Variants in TMEM114 observed in about 807,000 individuals in gnomAD.
TMEM114 encodes claudin-26.
TMEM114 carries 6 observed loss-of-function variants against 6.2 expected under a neutral mutation model. That is an observed-to-expected ratio of 0.97 (90% confidence interval 0.53 to 1.91). The LOEUF (loss-of-function observed/expected upper bound fraction) is 1.91, where lower values mean the gene tolerates loss of function less well. Among genes scored for constraint, TMEM114 ranks in the 40% most tolerant of loss-of-function variants. The pLI, the probability that TMEM114 is intolerant of heterozygous loss-of-function variation, is 0.01. For synonymous variants in TMEM114, 104 were observed against 73.0 expected (o/e 1.42, Z -2.16); for missense variants, 218 against 158.3 (o/e 1.38, Z -2.02).
At chr16:8,561,004 G>T (rs142057782) in intron 2 of TMEM114, among the ~76,000 whole-genome samples, 6 of 152,214 alleles carry the variant, frequency 3.9e-5, no homozygotes, top group South Asian at 4.1e-4. Flanking sequence ...CCAAGCAAAA[G>T]AGGGAAACCT....
At chr16:8,559,476 C>A (rs959387561) in intron 2 of TMEM114, among the ~76,000 whole-genome samples, 11 of 152,188 alleles carry the variant, frequency 7.2e-5, no homozygotes, top group African/African-American at 2.7e-4. Context: ...GCTCCCTGAG[C>A]TGCTACTTCC....
chr16:8,559,941 A>C (rs536241693), intron 2 of TMEM114, among the ~76,000 whole-genome samples: 2 of 152,136 alleles, frequency 1.3e-5, no homozygotes, highest in East Asian at 3.9e-4. Context: ...TTAGCTGGGC[A>C]CTCAGAAGAC....
chr16:8,537,109 G>A (rs970069850), downstream of TMEM114, among the ~76,000 whole-genome samples: 1 of 152,124 alleles, frequency 6.6e-6, no homozygotes, highest in Admixed American at 6.6e-5. Flanking sequence ...GGGAGGCTGA[G>A]GCTGGAAGAT....
intron 2 of TMEM114, among the ~76,000 whole-genome samples, chr16:8,577,356 T>C (rs1267664922): frequency 6.6e-6 from 1 of 152,188 alleles, no homozygotes; most frequent in African/African-American, 2.4e-5. Context: ...GAACCTTGGA[T>C]TTCCACCTCA....
At chr16:8,561,645 G>C (rs1271423449) in intron 2 of TMEM114, among the ~76,000 whole-genome samples, 1 of 141,406 alleles carries the variant, frequency 7.1e-6, no homozygotes, top group Non-Finnish European at 1.6e-5. Flanking sequence ...ATATGAACAA[G>C]TGAGTGAATA....
At chr16:8,546,447 C>T (rs933608433) in intron 2 of TMEM114, among the ~76,000 whole-genome samples, 1 of 152,096 alleles carries the variant, frequency 6.6e-6, no homozygotes, top group African/African-American at 2.4e-5. Flanking sequence ...AACCCTGACC[C>T]AAAAATCTGC....
chr16:8,537,123 A>T (rs1900383863), downstream of TMEM114, among the ~76,000 whole-genome samples: 4 of 151,740 alleles, frequency 2.6e-5, no homozygotes, highest in African/African-American at 9.7e-5. Context: ...GGAAGATCGC[A>T]TGAGCTCAGA....
chr16:8,538,316 T>G (rs1254209966), intron 2 of TMEM114, among the ~76,000 whole-genome samples: 2 of 151,514 alleles, frequency 1.3e-5, no homozygotes, highest in East Asian at 3.9e-4. Flanking sequence ...GACAGACATA[T>G]TTGCTCTGGA....
chr16:8,562,604 G>C (rs1468030474), intron 2 of TMEM114, among the ~76,000 whole-genome samples: 2 of 145,700 alleles, frequency 1.4e-5, no homozygotes, highest in South Asian at 2.2e-4. Context: ...GAATGAGTGA[G>C]TGAGTGAATG....
At chr16:8,556,729 C>G (rs1447378240) in intron 2 of TMEM114, among the ~76,000 whole-genome samples, 1 of 152,180 alleles carries the variant, frequency 6.6e-6, no homozygotes, top group African/African-American at 2.4e-5. Context: ...TCTCGAACTC[C>G]TGACCTCAGG....
downstream of TMEM114, among the ~76,000 whole-genome samples, chr16:8,534,116 C>T (rs1263194727): frequency 6.6e-6 from 1 of 152,142 alleles, no homozygotes. Flanking sequence ...ATCAGAAAAT[C>T]TGAAATATTT....
At chr16:8,547,392 CTTTCTTTT>C (rs1900703192) in intron 2 of TMEM114, among the ~76,000 whole-genome samples, 1 of 144,564 alleles carries the variant, frequency 6.9e-6, no homozygotes. Context: ...TTCTTTCTTT[CTTTCTTTT>C]TTTTTTTTTT....
chr16:8,576,422 T>C (rs568372931), intron 2 of TMEM114, among the ~76,000 whole-genome samples: 17 of 152,224 alleles, frequency 1.1e-4, no homozygotes, highest in Non-Finnish European at 8.8e-5. Context: ...TTTGCTGCAC[T>C]GAGTAATAAA....
chr16:8,575,188 G>C (rs555248999), intron 2 of TMEM114, among the ~76,000 whole-genome samples: 1 of 152,198 alleles, frequency 6.6e-6, no homozygotes, highest in African/African-American at 2.4e-5. Context: ...CATACAAGCT[G>C]TGTGACTTTG....
At chr16:8,557,430 T>A (rs1901049839) in intron 2 of TMEM114, among the ~76,000 whole-genome samples, 2 of 152,220 alleles carry the variant, frequency 1.3e-5, no homozygotes, top group South Asian at 4.2e-4. Flanking sequence ...AGCCTGCCCC[T>A]AGCTGCTCCA....
In TMEM114 at chr16:8,539,684, G is replaced by A. The variant is rs77340177; in HGVS notation, n.213-1858C>T. 1.3e-3 allele frequency among the ~76,000 whole-genome samples: 200 copies of A among 151,772 alleles called. 3 individuals are homozygous for A. In the East Asian group the frequency reaches 0.031, roughly 24 times the overall value. On this transcript the variant is annotated intron_variant and non_coding_transcript_variant, in intron 2 of 2. Coordinates refer to the TMEM114 transcript ENST00000623677. ...CTTAAATATTTATTCACCACCACAAGCAAGACAGATGTTGTTCATATAGAT... is the reference window on the plus strand; with the variant it reads ...CTTAAATATTTATTCACCACCACAAACAAGACAGATGTTGTTCATATAGAT...
the TMEM114 span, among the ~76,000 whole-genome samples, chr16:8,528,871 T>A: frequency 6.6e-6 from 1 of 152,174 alleles, no homozygotes; most frequent in Non-Finnish European, 1.5e-5. Flanking sequence ...TGCAAGGCAT[T>A]CTTGGTAGGG....
At chr16:8,587,798 G>C (rs908390166) in intron 2 of TMEM114, among the ~76,000 whole-genome samples, 1 of 152,114 alleles carries the variant, frequency 6.6e-6, no homozygotes, top group East Asian at 1.9e-4. Flanking sequence ...AGCTAAGACC[G>C]TGCCACTGCA....
downstream of TMEM114, among the ~76,000 whole-genome samples, chr16:8,537,167 T>C (rs1478112088): frequency 6.6e-6 from 1 of 152,074 alleles, no homozygotes; most frequent in African/African-American, 2.4e-5. Context: ...ATTGCATCAC[T>C]GCAGTCCATC....
Sources: allele counts gnomAD v4.1 joint callset (sites outside exome capture counted in the v4.1 genomes callset), GRCh38; gene constraint gnomAD v4.1.1; transcripts MANE v1.5; gene names NCBI Gene and HGNC (gene_info 2026-07-23, HGNC 2026-07-21).